Variants in JPT1 observed in about 807,000 individuals in gnomAD.
JPT1 encodes Jupiter microtubule associated homolog 1.
Under a neutral mutation model 17.0 loss-of-function variants are expected in JPT1, and 5 were observed. The ratio of observed to expected loss-of-function variants is 0.29; its 90% CI spans 0.15 to 0.62. The LOEUF (loss-of-function observed/expected upper bound fraction) is 0.62. JPT1 is among the 20% of genes least tolerant of loss of function. JPT1 has a pLI of 0.85. For synonymous variants in JPT1, 71 were observed against 73.6 expected (o/e 0.96, Z 0.18); for missense variants, 158 against 188.1 (o/e 0.84, Z 0.94).
At chr17:75,151,355 T>A (rs1199586190) in intron 1 of JPT1, among the ~76,000 whole-genome samples, 1 of 150,672 alleles carries the variant, frequency 6.6e-6, no homozygotes, top group African/African-American at 2.4e-5. Context: ...ATGATAATAA[T>A]AATAATAATA....
At chr17:75,150,169 C>T (rs1314833400) in intron 1 of JPT1, among the ~76,000 whole-genome samples, 2 of 152,094 alleles carry the variant, frequency 1.3e-5, no homozygotes, top group African/African-American at 2.4e-5. Flanking sequence ...CAATTTGTCT[C>T]CTCCTTGGAA....
intron 1 of JPT1, among the ~76,000 whole-genome samples, chr17:75,150,287 C>G (rs2074522969): frequency 6.6e-6 from 1 of 151,156 alleles, no homozygotes; most frequent in Non-Finnish European, 1.5e-5. Context: ...CAATCTCGCT[C>G]TTGTCGCCCA....
At position 75,135,822 on chromosome 17, in the gene JPT1, C is replaced by T. The variant is rs1206915661; in HGVS notation, c.*280G>A. Reference sequence around the variant, plus strand: ...CCTCAGTACAAAAGATCCTCTAACACATCTGGAACCAAATTATTTCTTCTT... The same window carrying T: ...CCTCAGTACAAAAGATCCTCTAACATATCTGGAACCAAATTATTTCTTCTT... On this transcript the variant is annotated 3_prime_UTR_variant, in exon 5 of 5. Transcript: ENST00000409753. 12 of 613,618 alleles carry T rather than the reference C, an allele frequency of 2.0e-5. No homozygotes were observed. Among genetic ancestry groups the T allele is most frequent in the Non-Finnish European group, 3.3e-5 (12 of 359,406 alleles). 38.0% of individuals were successfully genotyped at this position (613,618 alleles called of 1,614,324 possible).
chr17:75,145,494 G>A (rs189810199), intron 4 of JPT1: 12 of 152,240 alleles, frequency 7.9e-5, no homozygotes, highest in Admixed American at 3.9e-4. Context: ...CCTATAATTC[G>A]TAATATGGTT....
At chr17:75,145,021 G>A (rs925320105) in intron 4 of JPT1, among the ~76,000 whole-genome samples, 1 of 151,590 alleles carries the variant, frequency 6.6e-6, no homozygotes, top group Non-Finnish European at 1.5e-5. Flanking sequence ...GGCTCATGCC[G>A]GGCATGGTGC....
At chr17:75,136,310 A>G in intron 4 of JPT1, 60 bp from the exon 5 acceptor site, 3 of 1,473,816 alleles carry the variant, frequency 2.0e-6, no homozygotes, top group Non-Finnish European at 2.7e-6. Flanking sequence ...GTTAAGATCA[A>G]GGATCTGTTT....
chr17:75,142,841 G>GT (rs1199606165), intron 4 of JPT1: 2 of 453,670 alleles, frequency 4.4e-6, no homozygotes. Flanking sequence ...CAATGCAAAA[G>GT]TAACTGGTCC....
At chr17:75,144,682 C>G (rs2074389934) in intron 4 of JPT1, among the ~76,000 whole-genome samples, 1 of 152,046 alleles carries the variant, frequency 6.6e-6, no homozygotes, top group Non-Finnish European at 1.5e-5. Flanking sequence ...CCCAGACTTA[C>G]AACTGGTGGG....
At chr17:75,147,103 T>C (rs2074454085) in intron 3 of JPT1, among the ~76,000 whole-genome samples, 1 of 151,766 alleles carries the variant, frequency 6.6e-6, no homozygotes, top group Non-Finnish European at 1.5e-5. Context: ...AGACAGGTGA[T>C]GCCTCACTGT....
chr17:75,136,311 G>C (rs899477934), intron 4 of JPT1, 61 bp from the exon 5 acceptor site: 2 of 1,472,074 alleles, frequency 1.4e-6, no homozygotes, highest in Non-Finnish European at 1.8e-6. Context: ...TTAAGATCAA[G>C]GATCTGTTTC....
At chr17:75,150,998 C>T (rs2074542214) in intron 1 of JPT1, among the ~76,000 whole-genome samples, 2 of 151,656 alleles carry the variant, frequency 1.3e-5, no homozygotes, top group South Asian at 2.1e-4. Flanking sequence ...GGACTACAGG[C>T]GCCCGCCGGA....
intron 4 of JPT1, among the ~76,000 whole-genome samples, chr17:75,137,852 T>C (rs2074236820): frequency 6.6e-6 from 1 of 151,894 alleles, no homozygotes; most frequent in Non-Finnish European, 1.5e-5. Context: ...TTCGCCATGT[T>C]GGCCAGGCTG....
chr17:75,138,688 G>A (rs1442531804), intron 4 of JPT1, among the ~76,000 whole-genome samples: 1 of 152,148 alleles, frequency 6.6e-6, no homozygotes, highest in African/African-American at 2.4e-5. Context: ...GATTACAGGC[G>A]TGAGCCACCA....
chr17:75,144,516 AAAAT>A (rs2074386524), intron 4 of JPT1, among the ~76,000 whole-genome samples: 1 of 152,166 alleles, frequency 6.6e-6, no homozygotes, highest in African/African-American at 2.4e-5. Context: ...AGTTTAGAAA[AAAAT>A]AAAAAAAAAT....
chr17:75,146,889 C>T, intron 3 of JPT1: 2 of 522,764 alleles, frequency 3.8e-6, no homozygotes, highest in South Asian at 4.6e-5. Context: ...TGCTCTAGTG[C>T]TAGTACCACG....
Position 75,154,323 on chromosome 17 carries a change from C to A in JPT1, c.56+19G>T. 1 of 1,539,338 alleles carries A rather than the reference C, an allele frequency of 6.5e-7. No homozygotes were observed. Among genetic ancestry groups the A allele is most frequent in the South Asian group, 1.2e-5 (1 of 83,498 alleles). On this transcript the variant is annotated intron_variant, in intron 1 of 4. Transcript: ENST00000409753. The stretch of plus-strand genomic sequence containing the variant: ...GCCCCTCAGCCCCGCGCGGCTCGGG[C>A]GCGACCCGGTCGCCTCACCGGGAGC...
chr17:75,138,979 A>G (rs1157070570), intron 4 of JPT1, among the ~76,000 whole-genome samples: 3 of 152,198 alleles, frequency 2.0e-5, no homozygotes, highest in Non-Finnish European at 2.9e-5. Context: ...CAGAATGACA[A>G]CTGTCACAAT....
intron 4 of JPT1, among the ~76,000 whole-genome samples, chr17:75,139,687 G>GGCA (rs1247661493): frequency 9.2e-5 from 14 of 152,016 alleles, no homozygotes; most frequent in African/African-American, 3.4e-4. Flanking sequence ...GGGCGTGTGT[G>GGCA]CGCGCCTGTA....
At position 75,147,647 on chromosome 17, in the gene JPT1, T is replaced by C. The variant is rs2074465623; in HGVS notation, c.206A>G (p.Lys69Arg). ...CAAGTCTTCCCTGCCACCACTAGACTTGGCACCTAAAAATCAAAATATACT... is the reference window on the plus strand; with the variant it reads ...CAAGTCTTCCCTGCCACCACTAGACCTGGCACCTAAAAATCAAAATATACT... ...QASWAKSAGA[K>R]SSGGREDLES... Residue 69 changes from lysine to arginine, a missense_variant, in exon 3 of 5, where the codon AAG becomes AGG. Lys to Arg is a conservative substitution (Grantham distance 26). Coordinates refer to ENST00000409753, the MANE Select transcript of JPT1 (RefSeq NM_016185.4). 1.2e-6 allele frequency: 2 copies of C among 1,612,092 alleles called. No individual in the cohort carries two copies. Among genetic ancestry groups the C allele is most frequent in the Non-Finnish European group, 8.5e-7 (1 of 1,178,418 alleles).
Sources: allele counts gnomAD v4.1 joint callset (sites outside exome capture counted in the v4.1 genomes callset), GRCh38; gene constraint gnomAD v4.1.1; transcripts MANE v1.5; gene names NCBI Gene and HGNC (gene_info 2026-07-23, HGNC 2026-07-21).